POC1A: variants seen among roughly 807,000 people sequenced by gnomAD.
The protein encoded by POC1A is POC1 centriolar protein homolog A.
In POC1A, 34 loss-of-function variants were observed where a neutral mutation model predicts 47.8. The ratio of observed to expected loss-of-function variants is 0.71; its 90% CI spans 0.54 to 0.95. POC1A has a LOEUF of 0.95. POC1A is among the 40% of genes least tolerant of loss of function. The probability of loss-of-function intolerance (pLI) is 0.00; values close to 1 mark genes in which losing one functional copy is unlikely to be tolerated. For synonymous variants in POC1A, 177 were observed against 207.6 expected (o/e 0.85, Z 1.27); for missense variants, 466 against 528.3 (o/e 0.88, Z 1.16).
At chr3:52,138,761 G>A (rs1011320634) in intron 6 of POC1A, among the ~76,000 whole-genome samples, 4 of 152,170 alleles carry the variant, frequency 2.6e-5, no homozygotes, top group Admixed American at 2.0e-4. Context: ...GGGGGCAGAC[G>A]AGCAGAAAGC....
At chr3:52,092,347 T>C (rs1702671119) in intron 10 of POC1A, among the ~76,000 whole-genome samples, 1 of 152,152 alleles carries the variant, frequency 6.6e-6, no homozygotes, top group African/African-American at 2.4e-5. Context: ...GATGAAGCCA[T>C]CCCTAACTGC....
chr3:52,138,456 C>G (rs551110771), intron 6 of POC1A, among the ~76,000 whole-genome samples, 154 bp from the exon 7 acceptor site: 1 of 152,166 alleles, frequency 6.6e-6, no homozygotes, highest in Non-Finnish European at 1.5e-5. Context: ...GGGAACCCAA[C>G]AAGGATTTCC....
intron 4 of POC1A, among the ~76,000 whole-genome samples, chr3:52,148,515 G>T (rs1698443350): frequency 6.6e-6 from 1 of 152,250 alleles, no homozygotes; most frequent in East Asian, 1.9e-4. Flanking sequence ...AAATAAGCTA[G>T]AAGTAGGACT....
intron 9 of POC1A, among the ~76,000 whole-genome samples, chr3:52,103,773 T>C (rs1703078113): frequency 6.6e-6 from 1 of 151,970 alleles, no homozygotes; most frequent in Admixed American, 6.6e-5. Context: ...ATAATGGAAG[T>C]TAAAACCACA....
chr3:52,106,853 A>G (rs573733508), intron 9 of POC1A, among the ~76,000 whole-genome samples: 9 of 152,368 alleles, frequency 5.9e-5, no homozygotes, highest in South Asian at 4.1e-4. Flanking sequence ...ACCCCCATCA[A>G]TCTGCTGACT....
chr3:52,153,699 T>C (rs997077706), intron 1 of POC1A, among the ~76,000 whole-genome samples: 2 of 152,212 alleles, frequency 1.3e-5, no homozygotes, highest in Non-Finnish European at 2.9e-5. Flanking sequence ...AACAGTGGTT[T>C]ATACATGAGG....
intron 6 of POC1A, among the ~76,000 whole-genome samples, chr3:52,144,419 G>A (rs1391908996): frequency 6.6e-6 from 1 of 152,216 alleles, no homozygotes; most frequent in East Asian, 1.9e-4. Context: ...TTCCTATGGA[G>A]GGGGGTGGGG....
chr3:52,078,803 C>T (rs778412230), intron 10 of POC1A, among the ~76,000 whole-genome samples: 3 of 152,266 alleles, frequency 2.0e-5, no homozygotes, highest in Non-Finnish European at 4.4e-5. Flanking sequence ...CCGGCTGAAA[C>T]ATGGAAATCT....
At chr3:52,076,514 G>A (rs955248778) in intron 10 of POC1A, among the ~76,000 whole-genome samples, 1 of 152,202 alleles carries the variant, frequency 6.6e-6, no homozygotes, top group African/African-American at 2.4e-5. Context: ...AAGGCAGGGA[G>A]GTGAGTCCCC....
At chr3:52,094,331 C>G (rs1702737143) in intron 10 of POC1A, among the ~76,000 whole-genome samples, 1 of 152,240 alleles carries the variant, frequency 6.6e-6, no homozygotes, top group Non-Finnish European at 1.5e-5. Flanking sequence ...TGGTGGCCGC[C>G]TGGCACTAAG....
chr3:52,098,348 G>T (rs957872258), intron 9 of POC1A, among the ~76,000 whole-genome samples: 1 of 152,224 alleles, frequency 6.6e-6, no homozygotes, highest in Admixed American at 6.5e-5. Flanking sequence ...AGGAAGGAGG[G>T]AATGGAAAAT....
intron 10 of POC1A, among the ~76,000 whole-genome samples, chr3:52,089,747 C>T (rs1265361003): frequency 1.3e-5 from 2 of 152,130 alleles, no homozygotes; most frequent in African/African-American, 2.4e-5. Context: ...GTGGGAGGAC[C>T]GATCCCCATG....
Position 52,082,651 on chromosome 3 carries a change from C to T in POC1A, c.1126-6666G>A, listed in dbSNP as rs140093313. Among the ~76,000 whole-genome samples, 119 of 152,186 alleles carry T rather than the reference C, an allele frequency of 7.8e-4. 1 individual carries two copies. Among genetic ancestry groups the T allele is most frequent in the African/African-American group, 2.6e-3 (108 of 41,502 alleles). ...GCCTTCTCTCACTCACAGTTCAAGA[C>T]GTGTAAAACGTTTTATGTAACACCT... On this transcript the variant is annotated intron_variant, in intron 10 of 10. Coordinates refer to ENST00000296484, the MANE Select transcript of POC1A (RefSeq NM_015426.5).
At chr3:52,135,798 G>A (rs1704434884) in intron 7 of POC1A, among the ~76,000 whole-genome samples, 5 of 152,120 alleles carry the variant, frequency 3.3e-5, no homozygotes, top group Admixed American at 3.3e-4. Flanking sequence ...CATTAGTAAG[G>A]ACCCCAAAAG....
At chr3:52,122,673 G>C (rs1202531124) in intron 8 of POC1A, among the ~76,000 whole-genome samples, 196 bp from the exon 9 acceptor site, 1 of 152,210 alleles carries the variant, frequency 6.6e-6, no homozygotes, top group Non-Finnish European at 1.5e-5. Context: ...GGCCTCAAGA[G>C]GACCTGGATG....
rs2106952736 is a variant in POC1A at position 52,090,149 on chromosome 3, C to T, written c.1125+6420G>A. On this transcript the variant is annotated intron_variant, in intron 10 of 10. Transcript: ENST00000296484. This position sits in a 1 kb window ranked among gnomAD's most constrained non-coding sequence, Gnocchi z 4.2. ...GCAGGGCTGGTGGGCTTGCTCCCTG[C>T]CTGCTCCCCACCGCATGCATTTTCA... Among the ~76,000 whole-genome samples the T allele has an allele frequency of 6.6e-6, 1 of 152,180 alleles. No individual in the cohort carries two copies. The highest frequency in any genetic ancestry group is 1.9e-4 in the East Asian group (1 of 5,196).
intron 1 of POC1A, among the ~76,000 whole-genome samples, chr3:52,153,556 C>T (rs551040724): frequency 6.6e-6 from 1 of 152,362 alleles, no homozygotes; most frequent in African/African-American, 2.4e-5. Flanking sequence ...AAAGAACATG[C>T]GTAAGAGAGT....
At chr3:52,115,603 T>G (rs545125137) in intron 9 of POC1A, among the ~76,000 whole-genome samples, 9 of 152,234 alleles carry the variant, frequency 5.9e-5, no homozygotes, top group African/African-American at 1.9e-4. Context: ...GTGGGGCCTT[T>G]GGGAGGTGAT....
Position 52,149,924 on chromosome 3 carries a change from C to A in POC1A, c.167G>T (p.Arg56Leu). Residue 56 changes from arginine to leucine, a missense_variant, in exon 3 of 11, where the codon CGC becomes CTC. Arg to Leu is a moderately radical substitution (Grantham distance 102). Transcript: ENST00000296484. ...WHMKPQSRAY[R>L]FTGHKDAVTC... is the part of the protein sequence containing the mutation. The stretch of plus-strand genomic sequence containing the variant: ...GACGGCATCCTTGTGGCCAGTGAAG[C>A]GGTAGGCGCGTGACTGCGGCTTCAT... The A allele has an allele frequency of 1.2e-6, 2 of 1,613,868 alleles. No homozygotes were observed. The highest frequency in any genetic ancestry group is 8.5e-7 in the Non-Finnish European group (1 of 1,180,004).
Sources: gnomAD v4.1 joint callset for allele counts (sites outside exome capture counted in the v4.1 genomes callset) on GRCh38, gnomAD v4.1.1 for gene constraint, Gnocchi (gnomAD v3.1) non-coding constraint, MANE v1.5 for transcripts, NCBI Gene and HGNC (gene_info 2026-07-23, HGNC 2026-07-21) for gene names.